MINDY4: variants seen among roughly 807,000 people sequenced by gnomAD.
MINDY4 encodes probable ubiquitin carboxyl-terminal hydrolase MINDY-4.
MINDY4 carries 68 observed loss-of-function variants against 87.0 expected under a neutral mutation model. The ratio of observed to expected loss-of-function variants is 0.78; its 90% CI spans 0.64 to 0.96. MINDY4 has a LOEUF of 0.96. Among genes scored for constraint, MINDY4 ranks in the 40% least tolerant of loss-of-function variants. MINDY4 has a pLI of 0.00. For missense variants in MINDY4, 919 were observed against 928.2 expected, an observed-to-expected ratio of 0.99 and a Z score of 0.13; for synonymous variants, 379 against 363.2, an observed-to-expected ratio of 1.04 and a Z score of -0.50.
intron 13 of MINDY4, among the ~76,000 whole-genome samples, chr7:30,866,871 C>G (rs1338362913): frequency 2.6e-5 from 4 of 152,158 alleles, no homozygotes; most frequent in Non-Finnish European, 5.9e-5. Flanking sequence ...TCCCTTCTTC[C>G]TCCTTGCAGG....
intron 6 of MINDY4, among the ~76,000 whole-genome samples, chr7:30,834,372 A>C (rs890091085): frequency 6.6e-6 from 1 of 152,200 alleles, no homozygotes; most frequent in African/African-American, 2.4e-5. Flanking sequence ...TGAGCTGTAC[A>C]TTGGCCCCTT....
chr7:30,887,784 C>T (rs534584961), intron 17 of MINDY4, among the ~76,000 whole-genome samples: 4 of 152,280 alleles, frequency 2.6e-5, no homozygotes, highest in Non-Finnish European at 4.4e-5. Context: ...GACGGGGACC[C>T]GCGGGTGGCA....
chr7:30,798,297 C>T (rs1426634965), intron 5 of MINDY4, among the ~76,000 whole-genome samples: 2 of 152,026 alleles, frequency 1.3e-5, no homozygotes, highest in South Asian at 2.1e-4. Context: ...TGATATTGAC[C>T]GAAACCACAT....
At chr7:30,847,122 AG>A (rs1789245077) in intron 9 of MINDY4, among the ~76,000 whole-genome samples, 1 of 152,198 alleles carries the variant, frequency 6.6e-6, no homozygotes, top group Non-Finnish European at 1.5e-5. Context: ...AAGGCCAGGG[AG>A]GGCAACGGTT....
At chr7:30,874,601 G>A (rs545074087) in intron 14 of MINDY4, among the ~76,000 whole-genome samples, 157 of 152,294 alleles carry the variant, frequency 1.0e-3, no homozygotes, top group Non-Finnish European at 2.0e-3. Flanking sequence ...ATGCTTGTTG[G>A]CTTGCCAGGT....
chr7:30,812,279 G>T (rs934989633), intron 5 of MINDY4, among the ~76,000 whole-genome samples: 17 of 97,432 alleles, frequency 1.7e-4, no homozygotes, highest in Non-Finnish European at 2.7e-4. Flanking sequence ...TGAGGGGGGG[G>T]GGGTATGTAT....
Position 30,877,858 on chromosome 7 carries a change from T to A in MINDY4, c.1971+2202T>A, listed in dbSNP as rs34501528. ...TTTTTTTTTTTTTTTTTTTTTTTTT[T>A]AAGTAGAGATGGGGTTTCACCATAT... On this transcript the variant is annotated intron_variant, in intron 15 of 17. Coordinates refer to ENST00000265299, the MANE Select transcript of MINDY4 (RefSeq NM_032222.3). Among the ~76,000 whole-genome samples the A allele has an allele frequency of 2.3e-3, 275 of 120,306 alleles. 2 individuals carry two copies. Among genetic ancestry groups the A allele is most frequent in the African/African-American group, 9.9e-3 (246 of 24,782 alleles). 78.9% of individuals were successfully genotyped at this position (120,306 alleles called of 152,430 possible).
At chr7:30,802,942 C>G (rs1186581302) in intron 5 of MINDY4, 1 of 152,090 alleles carries the variant, frequency 6.6e-6, no homozygotes, top group Non-Finnish European at 1.5e-5. Flanking sequence ...CCCAACCAAC[C>G]AACCCACCCA....
At chr7:30,876,861 A>C (rs1430163742) in intron 15 of MINDY4, among the ~76,000 whole-genome samples, 1 of 152,138 alleles carries the variant, frequency 6.6e-6, no homozygotes, top group Admixed American at 6.5e-5. Context: ...AGGGCCTTGC[A>C]GATAGCGCCA....
intron 17 of MINDY4, among the ~76,000 whole-genome samples, chr7:30,883,399 TG>T (rs1222479823): frequency 2.0e-5 from 3 of 152,056 alleles, no homozygotes; most frequent in Non-Finnish European, 4.4e-5. Context: ...TGGCCCAGCC[TG>T]GGGGTGGCAG....
intron 12 of MINDY4, chr7:30,858,528 T>C (rs1789648858): frequency 2.0e-5 from 3 of 152,174 alleles, no homozygotes; most frequent in African/African-American, 7.2e-5. Flanking sequence ...AGGACTCACT[T>C]TGGATGCAAA....
chr7:30,888,321 A>G (rs1790696561), intron 17 of MINDY4, among the ~76,000 whole-genome samples: 2 of 152,274 alleles, frequency 1.3e-5, no homozygotes, highest in South Asian at 4.1e-4. Context: ...ATGTCTGAGG[A>G]CATTTTTAGT....
intron 13 of MINDY4, among the ~76,000 whole-genome samples, chr7:30,865,080 C>T (rs1789891243): frequency 6.6e-6 from 1 of 152,074 alleles, no homozygotes. Context: ...CTCTGCCAGC[C>T]CAGAATAATG....
intron 3 of MINDY4, among the ~76,000 whole-genome samples, chr7:30,783,400 C>A (rs1335728107): frequency 1.3e-5 from 2 of 152,140 alleles, no homozygotes; most frequent in African/African-American, 4.8e-5. Flanking sequence ...TCTGCAAAAT[C>A]CTTTTCACTG....
At chr7:30,882,880 G>A (rs755944085) in intron 16 of MINDY4, 41 bp from the exon 17 acceptor site, 1 of 1,596,338 alleles carries the variant, frequency 6.3e-7, no homozygotes, top group Non-Finnish European at 8.6e-7. Context: ...GTGAGTGCAG[G>A]GCCCTGGGTG....
At chr7:30,880,717 C>T (rs959363497) in intron 15 of MINDY4, among the ~76,000 whole-genome samples, 1 of 152,174 alleles carries the variant, frequency 6.6e-6, no homozygotes, top group Non-Finnish European at 1.5e-5. Context: ...TGTAAGACAT[C>T]TAATTCCCCC....
At chr7:30,845,750 A>T (rs956964910) in intron 9 of MINDY4, among the ~76,000 whole-genome samples, 1 of 152,154 alleles carries the variant, frequency 6.6e-6, no homozygotes, top group Non-Finnish European at 1.5e-5. Flanking sequence ...AAGCAGATGG[A>T]GGATGGGATC....
chr7:30,864,221 G>T (rs992233294), intron 13 of MINDY4, among the ~76,000 whole-genome samples: 16 of 152,228 alleles, frequency 1.1e-4, no homozygotes, highest in African/African-American at 3.9e-4. Context: ...TGAGGGTGAG[G>T]GATGACGCTG....
At chr7:30,890,819 ATTGACTGAAACCTC>A (rs1471643723) in intron 17 of MINDY4, among the ~76,000 whole-genome samples, 2 of 152,188 alleles carry the variant, frequency 1.3e-5, no homozygotes, top group African/African-American at 2.4e-5. Context: ...AGGATGAACC[ATTGACTGAAACCTC>A]TTGGTGGTTC....
Sources: gnomAD v4.1 joint callset for allele counts (sites outside exome capture counted in the v4.1 genomes callset) on GRCh38, gnomAD v4.1.1 for gene constraint, MANE v1.5 for transcripts, NCBI Gene and HGNC (gene_info 2026-07-23, HGNC 2026-07-21) for gene names.